MAN2B2: variants seen among roughly 807,000 people sequenced by gnomAD.
The protein encoded by MAN2B2 is epididymis-specific alpha-mannosidase.
A neutral mutation model predicts 117.1 loss-of-function variants in MAN2B2; 106 were observed. That is an observed-to-expected ratio of 0.90 (90% CI 0.77 to 1.06). The LOEUF (loss-of-function observed/expected upper bound fraction) is 1.06, where lower values mean the gene tolerates loss of function less well. Ranked by LOEUF, MAN2B2 falls within the 50% of genes least tolerant of loss-of-function variation. The pLI is 0.00. For missense variants in MAN2B2, 1,326 were observed against 1,381.4 expected (o/e 0.96, Z 0.64); for synonymous variants, 544 against 595.1 (o/e 0.91, Z 1.25).
intron 10 of MAN2B2, among the ~76,000 whole-genome samples, chr4:6,603,155 C>T (rs1162646422): frequency 2.0e-5 from 3 of 152,126 alleles, no homozygotes; most frequent in East Asian, 1.9e-4. Context: ...ATGGAGGTGC[C>T]GATGTTAGGT....
At position 6,610,885 on chromosome 4, in the gene MAN2B2, C is replaced by A. The variant is rs1727739685; in HGVS notation, c.2265C>A (p.Tyr755Ter). Residue 755 changes from tyrosine (Y) to a stop codon, truncating the protein, a stop_gained, in exon 14 of 19, where the codon TAC becomes TAA. Transcript: ENST00000285599. LOFTEE classifies it high-confidence loss of function. ...SYVNNSIARN[Y>*]YPMVQSAFME... ...GGCGATGTTTCTGTCTGCAGAATTACTACCCCATGGTTCAGTCGGCCTTCA... is the reference window on the plus strand; with the variant it reads ...GGCGATGTTTCTGTCTGCAGAATTAATACCCCATGGTTCAGTCGGCCTTCA... The A allele has an allele frequency of 1.2e-6, 2 of 1,614,134 alleles. No homozygotes were observed. Among genetic ancestry groups the A allele is most frequent in the Non-Finnish European group, 8.5e-7 (1 of 1,179,956 alleles).
intron 4 of MAN2B2, among the ~76,000 whole-genome samples, chr4:6,588,577 TG>T (rs1179420936): frequency 6.6e-6 from 1 of 152,030 alleles, no homozygotes; most frequent in Non-Finnish European, 1.5e-5. Flanking sequence ...TAGCCGGGCG[TG>T]GTAGCAAGTG....
Position 6,621,501 on chromosome 4 carries a change from A to C in MAN2B2, c.*216A>C. On this transcript the variant is annotated 3_prime_UTR_variant, in exon 19 of 19. Coordinates refer to ENST00000285599, the MANE Select transcript of MAN2B2 (RefSeq NM_015274.3). ...ATCCAGGTTCTTCCCCCCCACACTC[A>C]ATCAAGCCAGCCCTCTCCTCTTCTG... 7.5e-6 allele frequency: 4 copies of C among 534,908 alleles called. No individual in the cohort carries two copies. In the South Asian group the frequency reaches 9.6e-5, roughly 13 times the overall value. The allele number at this position is 534,908 out of a possible 1,614,324, so 33.1% of individuals were successfully genotyped here. A position where few individuals can be genotyped will look rare whatever the true frequency, so the allele number is the denominator to read the frequency against.
At chr4:6,593,957 T>C (rs1726966216) in intron 6 of MAN2B2, among the ~76,000 whole-genome samples, 1 of 152,154 alleles carries the variant, frequency 6.6e-6, no homozygotes, top group South Asian at 2.1e-4. Context: ...AGGGGTGGAA[T>C]TTGTGTTCAG....
intron 5 of MAN2B2, 142 bp downstream of exon 5, chr4:6,589,302 G>T: frequency 1.6e-6 from 1 of 620,374 alleles, no homozygotes. Context: ...GTGCAGTAGC[G>T]CAATCTTGGC....
At chr4:6,585,851 C>T (rs1356627328) in intron 3 of MAN2B2, among the ~76,000 whole-genome samples, 2 of 152,204 alleles carry the variant, frequency 1.3e-5, no homozygotes, top group East Asian at 3.9e-4. Context: ...AGCAGCTGGC[C>T]CCCAGAGCAG....
chr4:6,589,720 C>T (rs1018897716), intron 5 of MAN2B2, among the ~76,000 whole-genome samples: 1 of 152,158 alleles, frequency 6.6e-6, no homozygotes, highest in Non-Finnish European at 1.5e-5. Flanking sequence ...GGATTTGACT[C>T]CAGTTCTGTG....
chr4:6,613,086 A>G (rs1265273252), intron 15 of MAN2B2, among the ~76,000 whole-genome samples: 2 of 152,194 alleles, frequency 1.3e-5, no homozygotes, highest in Admixed American at 6.5e-5. Flanking sequence ...TCCAAGTGCA[A>G]AAGTCCTAGG....
At chr4:6,575,741 C>T (rs1199181234) in intron 1 of MAN2B2, among the ~76,000 whole-genome samples, 1 of 152,158 alleles carries the variant, frequency 6.6e-6, no homozygotes, top group East Asian at 1.9e-4. Flanking sequence ...ATATTGGAGG[C>T]CAGCTCAGCG....
chr4:6,614,147 C>T, intron 15 of MAN2B2, 71 bp from the exon 16 acceptor site: 1 of 1,567,196 alleles, frequency 6.4e-7, no homozygotes. Flanking sequence ...ATGTAATGTG[C>T]AGAGCTCTGA....
chr4:6,609,868 G>A lies in MAN2B2; in HGVS notation c.2077G>A (p.Gly693Arg), dbSNP rs749799442. The change falls in exon 13 of 19, where the codon GGG becomes AGG. Residue 693 changes from glycine to arginine, a missense_variant. Transcript: ENST00000285599. ...RLTHVPQGHD[G>R]ELLCHRIEQE... Reference sequence around the variant, plus strand: ...CACCCATGTGCCGCAGGGCCATGACGGGGAGCTGCTCTGCCACCGGATAGA... The same window carrying A: ...CACCCATGTGCCGCAGGGCCATGACAGGGAGCTGCTCTGCCACCGGATAGA... 1.4e-5 allele frequency: 22 copies of A among 1,613,994 alleles called. No individual in the cohort carries two copies. The highest frequency in any genetic ancestry group is 1.6e-4 in the Middle Eastern group (1 of 6,084).
At chr4:6,578,031 G>C (rs1251134971) in intron 2 of MAN2B2, among the ~76,000 whole-genome samples, 1 of 151,960 alleles carries the variant, frequency 6.6e-6, no homozygotes, top group African/African-American at 2.4e-5. Context: ...TGTGTGTAGA[G>C]ACGGGGATGT....
chr4:6,598,073 C>T, intron 8 of MAN2B2, 125 bp from the exon 9 acceptor site: 1 of 1,020,568 alleles, frequency 9.8e-7, no homozygotes, highest in Non-Finnish European at 1.4e-6. Flanking sequence ...ATGGCGGGGA[C>T]TGCCCCCTTC....
chr4:6,610,040 G>GCATC lies in MAN2B2; in HGVS notation c.2250_2253dup (p.Ala752HisfsTer159). The GCATC allele has an allele frequency of 1.9e-6, 3 of 1,614,098 alleles. No homozygotes were observed. Among genetic ancestry groups the GCATC allele is most frequent in the Non-Finnish European group, 2.5e-6 (3 of 1,180,008 alleles). On this transcript the variant is annotated frameshift_variant, in exon 13 of 19. Coordinates refer to ENST00000285599, the MANE Select transcript of MAN2B2 (RefSeq NM_015274.3). LOFTEE classifies it high-confidence loss of function. ...CCCTACGTTTCCTATGTGAACAACAGCATCGCCCGGGTATGTCCTGCAATG... is the reference window on the plus strand; with the variant it reads ...CCCTACGTTTCCTATGTGAACAACAGCATCCATCGCCCGGGTATGTCCTGCAATG...
chr4:6,588,767 A>T (rs547658145), intron 4 of MAN2B2, among the ~76,000 whole-genome samples: 19 of 152,274 alleles, frequency 1.2e-4, no homozygotes, highest in Admixed American at 6.5e-4. Flanking sequence ...AGCTTCCTGC[A>T]CCTGGGGGCA....
intron 15 of MAN2B2, among the ~76,000 whole-genome samples, chr4:6,613,007 C>T (rs1259655698): frequency 6.6e-6 from 1 of 152,226 alleles, no homozygotes; most frequent in African/African-American, 2.4e-5. Flanking sequence ...CTGAACAGCT[C>T]TGGGGCTGCT....
At chr4:6,620,452 C>G (rs1271234450) in intron 18 of MAN2B2, 1 of 203,668 alleles carries the variant, frequency 4.9e-6, no homozygotes, top group Non-Finnish European at 1.0e-5. Flanking sequence ...CACTCCCTGT[C>G]CGCACCATGC....
intron 4 of MAN2B2, among the ~76,000 whole-genome samples, chr4:6,588,145 A>C (rs1317512680): frequency 1.3e-5 from 2 of 152,068 alleles, no homozygotes; most frequent in Admixed American, 1.3e-4. Context: ...AGGACCACAG[A>C]CTGGTGACTC....
Position 6,621,221 on chromosome 4 carries a change from GCC to G in MAN2B2, c.2969_2970del (p.Pro990HisfsTer163). ...ACCTCTCCCTCGAGGCCACCAGGAG[GCC>G]CCATCATCACCGTCCACCCAAAGGA... On this transcript the variant is annotated frameshift_variant, in exon 19 of 19. Transcript: ENST00000285599. LOFTEE classifies it high-confidence loss of function. 1 of 1,614,094 alleles carries G rather than the reference GCC, an allele frequency of 6.2e-7. No individual in the cohort carries two copies. Among genetic ancestry groups the G allele is most frequent in the South Asian group, 1.1e-5 (1 of 91,080 alleles).
Sources: gnomAD v4.1 joint callset for allele counts (sites outside exome capture counted in the v4.1 genomes callset) on GRCh38, gnomAD v4.1.1 for gene constraint, MANE v1.5 for transcripts, NCBI Gene and HGNC (gene_info 2026-07-23, HGNC 2026-07-21) for gene names.